SEL1L: variants seen among roughly 807,000 people sequenced by gnomAD.
The protein encoded by SEL1L is protein sel-1 homolog 1.
A neutral mutation model predicts 109.8 loss-of-function variants in SEL1L; 52 were observed. The observed-to-expected ratio is 0.47, with a 90% CI of 0.38 to 0.60. SEL1L has a LOEUF of 0.60. Ranked by LOEUF, SEL1L falls within the 20% of genes least tolerant of loss-of-function variation. The pLI, the probability that SEL1L is intolerant of heterozygous loss-of-function variation, is 0.00. For synonymous variants in SEL1L, 373 were observed against 339.6 expected, an observed-to-expected ratio of 1.10 and a Z score of -1.08; for missense variants, 749 against 962.2, an observed-to-expected ratio of 0.78 and a Z score of 2.93.
chr14:81,514,661 A>G (rs1181122501), intron 3 of SEL1L, among the ~76,000 whole-genome samples: 1 of 152,182 alleles, frequency 6.6e-6, no homozygotes. Context: ...CGGAGGGTCC[A>G]GGGACCCTTG....
chr14:81,501,390 AG>A (rs1215288448), intron 6 of SEL1L, among the ~76,000 whole-genome samples: 2 of 152,230 alleles, frequency 1.3e-5, no homozygotes, highest in African/African-American at 4.8e-5. Flanking sequence ...TGCCTTATAA[AG>A]TAAAACCGTT....
chr14:81,488,342 T>C (rs11159502), intron 14 of SEL1L, among the ~76,000 whole-genome samples: 96,522 of 152,018 alleles, frequency 0.63, 31,356 homozygotes, highest in East Asian at 0.75. Flanking sequence ...CCAAACACTA[T>C]GACTATTATA....
chr14:81,498,236 A>G, intron 9 of SEL1L, 177 bp downstream of exon 9: 1 of 817,222 alleles, frequency 1.2e-6, no homozygotes, highest in Non-Finnish European at 1.9e-6. Flanking sequence ...ACGTAAATAG[A>G]ACCTAAAGCA....
chr14:81,521,723 A>T (rs2140053016), intron 3 of SEL1L, among the ~76,000 whole-genome samples: 1 of 152,346 alleles, frequency 6.6e-6, no homozygotes, highest in Non-Finnish European at 1.5e-5. Flanking sequence ...TAGTGATAAC[A>T]AACAACTATG....
At chr14:81,510,476 C>CTG (rs1167088774) in intron 3 of SEL1L, among the ~76,000 whole-genome samples, 42 of 78,402 alleles carry the variant, frequency 5.4e-4, no homozygotes, top group African/African-American at 3.1e-3. Flanking sequence ...ATGCTGATCT[C>CTG]TCTCTCTCTC....
intron 2 of SEL1L, 83 bp from the exon 3 acceptor site, chr14:81,527,047 A>T: frequency 1.1e-6 from 1 of 948,844 alleles, no homozygotes; most frequent in South Asian, 1.4e-5. Flanking sequence ...ACTAATCCAG[A>T]TATCACATCT....
At chr14:81,531,727 G>C (rs541158740) in intron 1 of SEL1L, among the ~76,000 whole-genome samples, 40 of 152,070 alleles carry the variant, frequency 2.6e-4, no homozygotes, top group Non-Finnish European at 5.3e-4. Context: ...GAGTTACGTA[G>C]AGATGGGGTT....
intron 2 of SEL1L, among the ~76,000 whole-genome samples, chr14:81,527,438 T>TCACACACACAC (rs1719237240): frequency 1.4e-5 from 2 of 146,762 alleles, no homozygotes; most frequent in South Asian, 4.4e-4. Flanking sequence ...TCTTCAAACT[T>TCACACACACAC]ACACACACAC....
rs552785524 is a variant in SEL1L at position 81,471,957 on chromosome 14, T to C, written c.*5015A>G. The C allele has an allele frequency of 1.3e-5, 2 of 152,332 alleles. No individual in the cohort carries two copies. The highest frequency in any genetic ancestry group is 2.1e-4 in the South Asian group (1 of 4,832). The allele number at this position is 152,332 out of a possible 1,614,324, so 9.4% of individuals were successfully genotyped here. On this transcript the variant is annotated 3_prime_UTR_variant, in exon 21 of 21. Coordinates refer to ENST00000336735, the MANE Select transcript of SEL1L (RefSeq NM_005065.6). ...CAAAAAGTAAAAACTTTCCTTTTTATTTTTCGTAGTTTCTACTACAGAAAT... is the reference window on the plus strand; with the variant it reads ...CAAAAAGTAAAAACTTTCCTTTTTACTTTTCGTAGTTTCTACTACAGAAAT...
At chr14:81,490,295 G>T in intron 13 of SEL1L, 93 bp downstream of exon 13, 1 of 878,138 alleles carries the variant, frequency 1.1e-6, no homozygotes, top group Non-Finnish European at 1.8e-6. Context: ...TATAGCATGA[G>T]TTGGTTATGA....
intron 12 of SEL1L, 116 bp from the exon 13 acceptor site, chr14:81,490,581 T>G: frequency 1.3e-6 from 1 of 783,136 alleles, no homozygotes; most frequent in Non-Finnish European, 2.1e-6. Flanking sequence ...CCAAAAAATT[T>G]AGAATTCCCC....
In SEL1L at chr14:81,492,553, G is replaced by T. The variant is rs774700269; in HGVS notation, c.1186-5C>A. On this transcript the variant is annotated splice_region_variant and splice_polypyrimidine_tract_variant and intron_variant, in intron 11 of 20. Transcript: ENST00000336735. ...ATTGAAGTAGTCAAATGCTCTCTAT[G>T]AGAAAAGAATTTATTAAAATAATTA... The T allele has an allele frequency of 1.3e-6, 2 of 1,581,938 alleles. No individual in the cohort carries two copies. The highest frequency in any genetic ancestry group is 2.3e-5 in the South Asian group (2 of 87,160).
At chr14:81,519,989 C>G (rs1450844844) in intron 3 of SEL1L, among the ~76,000 whole-genome samples, 2 of 152,076 alleles carry the variant, frequency 1.3e-5, no homozygotes, top group African/African-American at 4.8e-5. Context: ...CTCAGGCAAA[C>G]AGGGAAGTAA....
rs188585741 is a variant in SEL1L, at chr14:81,475,468, G to A, written c.*1504C>T. On this transcript the variant is annotated 3_prime_UTR_variant, in exon 21 of 21. Coordinates refer to ENST00000336735, the MANE Select transcript of SEL1L (RefSeq NM_005065.6). ...TACCCCAACTTCAAAAATCAAAGCAGTACAACTCTACAAGCAATAAACTTT... is the reference window on the plus strand; with the variant it reads ...TACCCCAACTTCAAAAATCAAAGCAATACAACTCTACAAGCAATAAACTTT... 2.6e-5 allele frequency: 4 copies of A among 152,512 alleles called. No homozygotes were observed. The highest frequency in any genetic ancestry group is 4.1e-4 in the South Asian group (2 of 4,826). 9.4% of individuals were successfully genotyped at this position (152,512 alleles called of 1,614,324 possible).
chr14:81,530,876 C>G (rs1885294478), intron 1 of SEL1L, among the ~76,000 whole-genome samples: 1 of 152,186 alleles, frequency 6.6e-6, no homozygotes, highest in Admixed American at 6.5e-5. Flanking sequence ...ATCTGTACAG[C>G]ATGTGACTAT....
rs553608116 is a variant in SEL1L at position 81,479,626 on chromosome 14, T to G, written c.2161A>C (p.Ile721Leu). 14 of 1,612,506 alleles carry G rather than the reference T, an allele frequency of 8.7e-6. No individual in the cohort carries two copies. The highest frequency in any genetic ancestry group is 1.2e-5 in the Non-Finnish European group (14 of 1,179,488). The change falls in exon 20 of 21, where the codon ATA (isoleucine) becomes CTA (leucine). Residue 721 changes from isoleucine to leucine, a missense_variant. Physicochemically the swap from Ile to Leu is conservative, Grantham distance 5. Transcript: ENST00000336735. ...KLGVVYFLQYIRETNIRDMFT... is the reference protein window; with the variant it reads ...KLGVVYFLQYLRETNIRDMFT... ...GGACCACTTACGTTTGTTTCCCGTA[T>G]GTACTGCAAGAAATAGACGACGCCC...
At chr14:81,516,878 C>T (rs536121824) in intron 3 of SEL1L, among the ~76,000 whole-genome samples, 1 of 152,044 alleles carries the variant, frequency 6.6e-6, no homozygotes, top group African/African-American at 2.4e-5. Flanking sequence ...CTCCAGACTT[C>T]CCCCCCATGT....
At chr14:81,505,422 C>G (rs937510710) in intron 4 of SEL1L, among the ~76,000 whole-genome samples, 3 of 152,268 alleles carry the variant, frequency 2.0e-5, no homozygotes, top group Admixed American at 1.3e-4. Flanking sequence ...GGTGCATTAA[C>G]TGGAGTACCC....
chr14:81,501,908 A>T (rs12893863), intron 6 of SEL1L, among the ~76,000 whole-genome samples: 3 of 151,590 alleles, frequency 2.0e-5, no homozygotes, highest in Admixed American at 2.0e-4. Flanking sequence ...GAAGAAACAA[A>T]CTAAAAGCCA....
Sources: gnomAD v4.1 joint callset for allele counts (sites outside exome capture counted in the v4.1 genomes callset) on GRCh38, gnomAD v4.1.1 for gene constraint, MANE v1.5 for transcripts, NCBI Gene and HGNC (gene_info 2026-07-23, HGNC 2026-07-21) for gene names.